Variants in NEGR1 observed in about 807,000 individuals in gnomAD.
The protein encoded by NEGR1 is IgLON family member 4.
In NEGR1, 10 loss-of-function variants were observed where a neutral mutation model predicts 40.9. That is an observed-to-expected ratio of 0.24 (90% CI 0.15 to 0.42). The LOEUF (loss-of-function observed/expected upper bound fraction) is 0.42, where lower values mean the gene tolerates loss of function less well. NEGR1 is among the 10% of genes least tolerant of loss of function. The pLI is 1.00. For synonymous variants in NEGR1, 185 were observed against 166.8 expected, an observed-to-expected ratio of 1.11 and a Z score of -0.84; for missense variants, 352 against 438.9, an observed-to-expected ratio of 0.80 and a Z score of 1.77.
chr1:72,274,047 A>T (rs1239471311), intron 1 of NEGR1, among the ~76,000 whole-genome samples: 1 of 151,036 alleles, frequency 6.6e-6, no homozygotes, highest in Non-Finnish European at 1.5e-5. Flanking sequence ...CAGTATAGAA[A>T]TCATTTGGAG....
At chr1:72,090,762 G>A (rs1180106024) in intron 1 of NEGR1, among the ~76,000 whole-genome samples, 1 of 152,078 alleles carries the variant, frequency 6.6e-6, no homozygotes, top group Non-Finnish European at 1.5e-5. Flanking sequence ...TGGGACACCT[G>A]CCTGCTTGTT....
chr1:71,606,335 C>A (rs1052451238), intron 5 of NEGR1, among the ~76,000 whole-genome samples: 1 of 152,144 alleles, frequency 6.6e-6, no homozygotes, highest in Non-Finnish European at 1.5e-5. Context: ...ATCTTGGAAG[C>A]AGATTCTCCA....
intron 1 of NEGR1, among the ~76,000 whole-genome samples, chr1:72,091,768 T>A (rs1483317363): frequency 6.6e-6 from 1 of 152,100 alleles, no homozygotes; most frequent in Non-Finnish European, 1.5e-5. Flanking sequence ...ACTTAAACAA[T>A]AGAAACTTAA....
At chr1:71,971,742 C>T (rs576444609) in intron 1 of NEGR1, among the ~76,000 whole-genome samples, 2 of 152,314 alleles carry the variant, frequency 1.3e-5, no homozygotes, top group South Asian at 4.1e-4. Flanking sequence ...AATGACTACA[C>T]ACATTATTTT....
chr1:72,053,012 A>G (rs778840289), intron 1 of NEGR1, among the ~76,000 whole-genome samples: 37 of 151,330 alleles, frequency 2.4e-4, no homozygotes, highest in Non-Finnish European at 4.1e-4. Flanking sequence ...CTCTGTTTCT[A>G]TTACTATATT....
At chr1:72,255,640 TC>T (rs1655246630) in intron 1 of NEGR1, among the ~76,000 whole-genome samples, 1 of 139,624 alleles carries the variant, frequency 7.2e-6, no homozygotes, top group South Asian at 2.4e-4. Context: ...ACCTCCGCCC[TC>T]CCGGGTTCAA....
intron 1 of NEGR1, among the ~76,000 whole-genome samples, chr1:71,949,653 C>T (rs564771197): frequency 6.6e-6 from 1 of 152,016 alleles, no homozygotes; most frequent in Admixed American, 6.6e-5. Context: ...CTCTATTGTA[C>T]TTTAGAACTT....
intron 6 of NEGR1, among the ~76,000 whole-genome samples, chr1:71,549,989 T>C (rs1648023371): frequency 6.6e-6 from 1 of 151,654 alleles, no homozygotes; most frequent in South Asian, 2.1e-4. Flanking sequence ...ATAATAAGGA[T>C]GCTTCCAATG....
At chr1:71,461,536 T>C (rs1646714534) in intron 6 of NEGR1, 1 of 152,206 alleles carries the variant, frequency 6.6e-6, no homozygotes, top group Non-Finnish European at 1.5e-5. Context: ...ATTACTCTAA[T>C]AAGTTCTCTT....
chr1:72,217,900 A>G (rs1016401150), intron 1 of NEGR1, among the ~76,000 whole-genome samples: 1 of 151,870 alleles, frequency 6.6e-6, no homozygotes, highest in African/African-American at 2.4e-5. Flanking sequence ...TTAGTCTTCT[A>G]TATCTCCAAC....
intron 6 of NEGR1, among the ~76,000 whole-genome samples, chr1:71,583,602 T>C (rs1649207067): frequency 6.6e-6 from 1 of 152,250 alleles, no homozygotes. Flanking sequence ...ATAGTTATTA[T>C]CTACAGTTTG....
intron 1 of NEGR1, among the ~76,000 whole-genome samples, chr1:71,952,254 C>T (rs2768388): frequency 2.6e-5 from 4 of 151,954 alleles, no homozygotes; most frequent in Non-Finnish European, 4.4e-5. Flanking sequence ...GAATGTAAAG[C>T]TAAAGTTTTT....
At chr1:71,578,419 A>G (rs1649029806) in intron 6 of NEGR1, among the ~76,000 whole-genome samples, 1 of 152,150 alleles carries the variant, frequency 6.6e-6, no homozygotes, top group South Asian at 2.1e-4. Context: ...CTGAATTGGT[A>G]AACTATCTTT....
chr1:71,456,820 C>T (rs149771673), intron 6 of NEGR1, among the ~76,000 whole-genome samples: 1 of 152,296 alleles, frequency 6.6e-6, no homozygotes, highest in African/African-American at 2.4e-5. Context: ...ATATTTTCTG[C>T]ACATTTCTAT....
intron 1 of NEGR1, among the ~76,000 whole-genome samples, chr1:72,164,050 C>A (rs1431386893): frequency 6.7e-6 from 1 of 150,266 alleles, no homozygotes; most frequent in Non-Finnish European, 1.5e-5. Flanking sequence ...AAAGCAGAAA[C>A]AAGAAGGTTG....
At chr1:72,136,240 G>A (rs1258803476) in intron 1 of NEGR1, among the ~76,000 whole-genome samples, 1 of 152,024 alleles carries the variant, frequency 6.6e-6, no homozygotes, top group African/African-American at 2.4e-5. Context: ...TATTATTGTT[G>A]TATTTCAGAT....
intron 6 of NEGR1, among the ~76,000 whole-genome samples, chr1:71,444,319 T>A (rs1646566658): frequency 6.6e-6 from 1 of 152,172 alleles, no homozygotes; most frequent in African/African-American, 2.4e-5. Context: ...CAACCCCACA[T>A]TAGAATGCAA....
intron 1 of NEGR1, among the ~76,000 whole-genome samples, chr1:72,161,650 ATTAT>A (rs1457943323): frequency 2.1e-5 from 3 of 142,282 alleles, no homozygotes; most frequent in Admixed American, 2.1e-4. Flanking sequence ...GTTATTATTA[ATTAT>A]TTATTTTTTC....
chr1:72,095,296 C>T (rs1648656042), intron 1 of NEGR1, among the ~76,000 whole-genome samples: 1 of 152,030 alleles, frequency 6.6e-6, no homozygotes. Flanking sequence ...TAAAAGGATA[C>T]ATATTACCTG....
Sources: allele counts gnomAD v4.1 joint callset (sites outside exome capture counted in the v4.1 genomes callset), GRCh38; gene constraint gnomAD v4.1.1; transcripts MANE v1.5; gene names NCBI Gene and HGNC (gene_info 2026-07-23, HGNC 2026-07-21).